GRHL2: variants seen among roughly 807,000 people sequenced by gnomAD.
GRHL2 encodes the protein grainyhead-like protein 2 homolog.
A neutral mutation model predicts 83.8 loss-of-function variants in GRHL2; 21 were observed. That is an observed-to-expected ratio of 0.25 (90% CI 0.18 to 0.36). The LOEUF (loss-of-function observed/expected upper bound fraction) is 0.36, where lower values mean the gene tolerates loss of function less well. Among genes scored for constraint, GRHL2 ranks in the 10% least tolerant of loss-of-function variants. The pLI, the probability that GRHL2 is intolerant of heterozygous loss-of-function variation, is 1.00. For missense variants in GRHL2, 623 were observed against 781.8 expected (o/e 0.80, Z 2.42); for synonymous variants, 280 against 278.9 (o/e 1.00, Z -0.04).
In GRHL2 at chr8:101,622,002, A is replaced by G. The variant is rs181342323; in HGVS notation, c.1257+2305A>G. Among the ~76,000 whole-genome samples the G allele has an allele frequency of 4.6e-5, 7 of 152,332 alleles. No individual in the cohort carries two copies. In the East Asian group the frequency reaches 1.3e-3, roughly 29 times the overall value. On this transcript the variant is annotated intron_variant, in intron 9 of 15. Coordinates refer to ENST00000646743, the MANE Select transcript of GRHL2 (RefSeq NM_024915.4). ...ATTTAAATACATATGCTCTAAGGAAAACTTTAAACAGAAAGCATATGTATT... is the reference window on the plus strand; with the variant it reads ...ATTTAAATACATATGCTCTAAGGAAGACTTTAAACAGAAAGCATATGTATT...
intron 1 of GRHL2, among the ~76,000 whole-genome samples, chr8:101,511,405 C>A (rs530498196): frequency 1.3e-5 from 2 of 152,302 alleles, no homozygotes; most frequent in African/African-American, 4.8e-5. Flanking sequence ...AGCAGTGCAT[C>A]TTATCAGTCT....
intron 14 of GRHL2, among the ~76,000 whole-genome samples, chr8:101,653,303 G>A (rs1212722056): frequency 1.3e-5 from 2 of 152,164 alleles, no homozygotes; most frequent in East Asian, 3.9e-4. Flanking sequence ...TGCTCAGTGA[G>A]TAGAAAAGGG....
chr8:101,652,434 GTC>G (rs754321565), intron 14 of GRHL2, among the ~76,000 whole-genome samples: 2,121 of 22,358 alleles, frequency 0.095, 249 homozygotes, highest in African/African-American at 0.14. Flanking sequence ...TGGTGTGTGT[GTC>G]TGGTGTGTGT....
chr8:101,648,461 G>A (rs916050898), intron 13 of GRHL2, among the ~76,000 whole-genome samples: 7 of 152,198 alleles, frequency 4.6e-5, no homozygotes, highest in African/African-American at 7.2e-5. Context: ...GATCGAGGAC[G>A]GGTGCTTGCT....
chr8:101,666,709 G>A lies in GRHL2; in HGVS notation c.*6G>A, dbSNP rs116154722. 3.9e-4 allele frequency: 613 copies of A among 1,575,746 alleles called. 1 individual carries two copies. In the African/African-American group the frequency reaches 7.4e-3, roughly 19 times the overall value. On this transcript the variant is annotated 3_prime_UTR_variant, in exon 16 of 16. Transcript: ENST00000646743. Reference sequence around the variant, plus strand: ...TCACGCTCATGGAAATCTAGCCCTGGGTTTGGCATCCGCTTTGGCTGGAGC... The same window carrying A: ...TCACGCTCATGGAAATCTAGCCCTGAGTTTGGCATCCGCTTTGGCTGGAGC...
intron 7 of GRHL2, among the ~76,000 whole-genome samples, chr8:101,593,025 C>A (rs1178840037): frequency 6.6e-6 from 1 of 152,114 alleles, no homozygotes; most frequent in African/African-American, 2.4e-5. Flanking sequence ...CGGCTCACTG[C>A]AACCTGTGCC....
chr8:101,620,275 A>T (rs1812939263), intron 9 of GRHL2, among the ~76,000 whole-genome samples: 1 of 152,190 alleles, frequency 6.6e-6, no homozygotes, highest in Non-Finnish European at 1.5e-5. Flanking sequence ...GGGAATTGGG[A>T]GTCCAACATA....
intron 1 of GRHL2, among the ~76,000 whole-genome samples, chr8:101,523,870 T>G (rs1156837103): frequency 6.6e-6 from 1 of 152,164 alleles, no homozygotes; most frequent in Non-Finnish European, 1.5e-5. Context: ...CTCCAAAAGT[T>G]ACTTGTTTTG....
At chr8:101,652,347 GTGGTGTGTGTGGT>G (rs1813649313) in intron 14 of GRHL2, among the ~76,000 whole-genome samples, 2 of 67,642 alleles carry the variant, frequency 3.0e-5, no homozygotes, top group East Asian at 4.4e-4. Flanking sequence ...GTGTATGTGT[GTGGTGTGTGTGGT>G]GTGTGTGTGT....
intron 4 of GRHL2, among the ~76,000 whole-genome samples, chr8:101,569,415 T>C (rs1291952667): frequency 2.6e-5 from 4 of 152,200 alleles, no homozygotes; most frequent in African/African-American, 9.6e-5. Flanking sequence ...ATAGTATTTA[T>C]ACATGTACAT....
At chr8:101,655,202 A>G (rs1813760540) in intron 14 of GRHL2, among the ~76,000 whole-genome samples, 1 of 151,186 alleles carries the variant, frequency 6.6e-6, no homozygotes, top group African/African-American at 2.4e-5. Flanking sequence ...AAAAAAGAAG[A>G]AGGAAGTCTC....
At chr8:101,675,249 G>A in the GRHL2 span, among the ~76,000 whole-genome samples, 2 of 152,110 alleles carry the variant, frequency 1.3e-5, 1 homozygote, top group Non-Finnish European at 2.9e-5. Context: ...TATTCAATTA[G>A]GAAAAGAGGA....
chr8:101,561,158 T>G (rs1334885430), intron 4 of GRHL2, among the ~76,000 whole-genome samples: 1 of 151,970 alleles, frequency 6.6e-6, no homozygotes, highest in African/African-American at 2.4e-5. Flanking sequence ...CGAAGTAATT[T>G]TTTTTTTTTT....
At chr8:101,522,486 A>G (rs1353962362) in intron 1 of GRHL2, among the ~76,000 whole-genome samples, 1 of 152,166 alleles carries the variant, frequency 6.6e-6, no homozygotes, top group African/African-American at 2.4e-5. Context: ...TCCCCTGTGG[A>G]TATGTGTCCT....
intron 1 of GRHL2, among the ~76,000 whole-genome samples, chr8:101,535,309 G>A (rs1486708033): frequency 6.6e-6 from 1 of 152,180 alleles, no homozygotes; most frequent in African/African-American, 2.4e-5. Flanking sequence ...GTGTGTGAAT[G>A]CACTTGGGGA....
chr8:101,549,312 G>A (rs1231714848), intron 2 of GRHL2, among the ~76,000 whole-genome samples: 1 of 152,208 alleles, frequency 6.6e-6, no homozygotes, highest in East Asian at 1.9e-4. Context: ...CTACCTGAGA[G>A]TAATGGGAAG....
Position 101,666,387 on chromosome 8 carries a change from G to A in GRHL2, c.1764-202G>A, listed in dbSNP as rs1194597324. On this transcript the variant is annotated intron_variant, in intron 15 of 15. Transcript: ENST00000646743. ...TTGAATGTTAGTTCTGAGAAATTGA[G>A]GCTTTGCTTTCCTCAAACTAGTTTT... Among the ~76,000 whole-genome samples, 3 of 152,222 alleles carry A rather than the reference G, an allele frequency of 2.0e-5. No individual in the cohort carries two copies. In the East Asian group the frequency reaches 5.8e-4, roughly 30 times the overall value.
chr8:101,605,580 A>T (rs1812616812), intron 8 of GRHL2, among the ~76,000 whole-genome samples: 1 of 152,082 alleles, frequency 6.6e-6, no homozygotes, highest in South Asian at 2.1e-4. Flanking sequence ...CTCACGCCAC[A>T]CTTTCTCCTT....
chr8:101,597,370 C>T (rs1334988306), intron 7 of GRHL2, among the ~76,000 whole-genome samples: 1 of 152,118 alleles, frequency 6.6e-6, no homozygotes, highest in East Asian at 1.9e-4. Context: ...GCTATAAAGA[C>T]ACATGCACAC....
Sources: allele counts gnomAD v4.1 joint callset (sites outside exome capture counted in the v4.1 genomes callset), GRCh38; gene constraint gnomAD v4.1.1; transcripts MANE v1.5; gene names NCBI Gene and HGNC (gene_info 2026-07-23, HGNC 2026-07-21).